The following TASP1 variants were observed in gnomAD, a reference collection of about 807,000 sequenced individuals.
TASP1 encodes the protein threonine aspartase 1.
TASP1 carries 16 observed loss-of-function variants against 56.6 expected under a neutral mutation model. The ratio of observed to expected loss-of-function variants is 0.28; its 90% CI spans 0.19 to 0.43. The LOEUF (loss-of-function observed/expected upper bound fraction) is 0.43, where lower values mean the gene tolerates loss of function less well. Ranked by LOEUF, TASP1 falls within the 20% of genes least tolerant of loss-of-function variation. The pLI, the probability that TASP1 is intolerant of heterozygous loss-of-function variation, is 1.00. For synonymous variants in TASP1, 179 were observed against 184.2 expected, an observed-to-expected ratio of 0.97 and a Z score of 0.23; for missense variants, 393 against 511.6, an observed-to-expected ratio of 0.77 and a Z score of 2.24.
At chr20:13,183,995 C>T in the TASP1 span, among the ~76,000 whole-genome samples, 6 of 147,726 alleles carry the variant, frequency 4.1e-5, no homozygotes, top group East Asian at 1.2e-3. Context: ...CGCCACTGCA[C>T]TCCAGCCTAG....
At chr20:13,538,463 T>C (rs941383367) in intron 8 of TASP1, among the ~76,000 whole-genome samples, 6 of 152,222 alleles carry the variant, frequency 3.9e-5, no homozygotes, top group Non-Finnish European at 7.3e-5. Flanking sequence ...AAGACACAAA[T>C]GCATTCTTTG....
chr20:13,113,871 TAGAGAA>T, the TASP1 span, among the ~76,000 whole-genome samples: 1 of 152,320 alleles, frequency 6.6e-6, no homozygotes, highest in South Asian at 2.1e-4. Flanking sequence ...AAGTGGCTGT[TAGAGAA>T]AGAAACTCAC....
the TASP1 span, among the ~76,000 whole-genome samples, chr20:13,365,276 G>A: frequency 2.0e-5 from 3 of 152,072 alleles, no homozygotes; most frequent in African/African-American, 4.8e-5. Flanking sequence ...TTCTGTGCCA[G>A]GAATTATCCT....
chr20:13,518,075 A>C (rs369453151), intron 10 of TASP1, among the ~76,000 whole-genome samples: 4 of 152,162 alleles, frequency 2.6e-5, no homozygotes, highest in African/African-American at 7.2e-5. Flanking sequence ...ATTCACAAAA[A>C]GATTTCCCAT....
chr20:13,551,693 T>C (rs2045987036), intron 8 of TASP1, among the ~76,000 whole-genome samples: 1 of 152,228 alleles, frequency 6.6e-6, no homozygotes, highest in African/African-American at 2.4e-5. Flanking sequence ...CAGTCAGTCC[T>C]GTAGCATAAG....
the TASP1 span, among the ~76,000 whole-genome samples, chr20:13,220,294 G>T: frequency 6.6e-6 from 1 of 152,228 alleles, no homozygotes; most frequent in African/African-American, 2.4e-5. Context: ...CGGTGCCACG[G>T]ACCGACACAG....
chr20:13,528,723 T>C (rs1452615787), intron 9 of TASP1, among the ~76,000 whole-genome samples: 1 of 152,200 alleles, frequency 6.6e-6, no homozygotes, highest in Non-Finnish European at 1.5e-5. Flanking sequence ...CTTAAAACTT[T>C]CAGAAAATAG....
chr20:13,475,787 T>C (rs1336266543), intron 11 of TASP1, among the ~76,000 whole-genome samples: 1 of 151,996 alleles, frequency 6.6e-6, no homozygotes, highest in African/African-American at 2.4e-5. Flanking sequence ...TCTCAGCTAC[T>C]TGGGAGGCTG....
At chr20:13,627,414 C>A (rs1206461726) in intron 2 of TASP1, among the ~76,000 whole-genome samples, 4 of 152,196 alleles carry the variant, frequency 2.6e-5, no homozygotes, top group Admixed American at 2.6e-4. Flanking sequence ...ACCCCCAGCA[C>A]CAACCTTTAC....
At chr20:13,145,863 A>T in the TASP1 span, among the ~76,000 whole-genome samples, 3 of 152,218 alleles carry the variant, frequency 2.0e-5, no homozygotes, top group Non-Finnish European at 4.4e-5. Flanking sequence ...GATCTTCAAC[A>T]AACTTGACAA....
the TASP1 span, among the ~76,000 whole-genome samples, chr20:13,296,542 A>G: frequency 1.3e-5 from 2 of 152,200 alleles, no homozygotes; most frequent in Non-Finnish European, 2.9e-5. Flanking sequence ...ATAGAGAAGT[A>G]AATAAGGGAA....
chr20:13,432,306 T>C (rs2042837488), intron 12 of TASP1, among the ~76,000 whole-genome samples: 1 of 152,188 alleles, frequency 6.6e-6, no homozygotes, highest in Admixed American at 6.5e-5. Flanking sequence ...TACTGACTAA[T>C]CAAGAAATAG....
intron 11 of TASP1, among the ~76,000 whole-genome samples, chr20:13,458,493 GC>G (rs1385225470): frequency 6.6e-6 from 1 of 151,650 alleles, no homozygotes; most frequent in Non-Finnish European, 1.5e-5. Context: ...GATTACAGGT[GC>G]CCCCCACCAT....
At chr20:13,349,254 G>T in the TASP1 span, among the ~76,000 whole-genome samples, 1 of 152,164 alleles carries the variant, frequency 6.6e-6, no homozygotes, top group African/African-American at 2.4e-5. Flanking sequence ...GGACCACAGA[G>T]ATATCTGGTT....
intron 11 of TASP1, among the ~76,000 whole-genome samples, chr20:13,460,511 T>C (rs1021211078): frequency 1.5e-4 from 23 of 152,190 alleles, no homozygotes; most frequent in African/African-American, 5.5e-4. Context: ...ATCCCTGAAC[T>C]TGACACTTAT....
At chr20:13,190,206 T>G in the TASP1 span, among the ~76,000 whole-genome samples, 5 of 152,168 alleles carry the variant, frequency 3.3e-5, no homozygotes, top group African/African-American at 1.2e-4. Context: ...GGTTACTATT[T>G]GGGTGATGGG....
chr20:13,576,393 G>GAAAGAA (rs2046928169), intron 6 of TASP1, among the ~76,000 whole-genome samples: 1 of 148,996 alleles, frequency 6.7e-6, no homozygotes, highest in Non-Finnish European at 1.5e-5. Context: ...AAGAAAGAAA[G>GAAAGAA]AAAGTCAGTC....
At chr20:13,276,578 A>G in the TASP1 span, among the ~76,000 whole-genome samples, 2 of 152,306 alleles carry the variant, frequency 1.3e-5, no homozygotes, top group South Asian at 4.2e-4. Context: ...CTTGAGTGTG[A>G]AAAAGTCCAG....
At chr20:13,283,428 G>C in the TASP1 span, among the ~76,000 whole-genome samples, 2 of 152,168 alleles carry the variant, frequency 1.3e-5, no homozygotes, top group African/African-American at 4.8e-5. Flanking sequence ...GAGTTTTGAA[G>C]GTAGAATTTT....
Sources: allele counts gnomAD v4.1 joint callset (sites outside exome capture counted in the v4.1 genomes callset), GRCh38; gene constraint gnomAD v4.1.1; transcripts MANE v1.5; gene names NCBI Gene and HGNC (gene_info 2026-07-23, HGNC 2026-07-21).